RIMS1: variants seen among roughly 807,000 people sequenced by gnomAD.
RIMS1 encodes regulating synaptic membrane exocytosis 1, also known as regulating synaptic membrane exocytosis protein 1.
Under a neutral mutation model 214.1 loss-of-function variants are expected in RIMS1, and 83 were observed. The observed-to-expected ratio is 0.39, with a 90% confidence interval of 0.32 to 0.47. RIMS1 has a LOEUF of 0.47. RIMS1 is among the 20% of genes least tolerant of loss of function. The probability of loss-of-function intolerance (pLI) is 0.99; values close to 1 mark genes in which losing one functional copy is unlikely to be tolerated. For missense variants in RIMS1, 2,050 were observed against 2,161.8 expected, an observed-to-expected ratio of 0.95 and a Z score of 1.03; for synonymous variants, 793 against 786.8, an observed-to-expected ratio of 1.01 and a Z score of -0.13.
chr6:72,150,985 T>C (rs1397510205), intron 4 of RIMS1, among the ~76,000 whole-genome samples: 1 of 152,232 alleles, frequency 6.6e-6, no homozygotes, highest in Non-Finnish European at 1.5e-5. Flanking sequence ...TTTGAAATCA[T>C]TTTTGTTTAG....
chr6:72,118,900 C>T (rs182758517), intron 4 of RIMS1, among the ~76,000 whole-genome samples: 1 of 151,748 alleles, frequency 6.6e-6, no homozygotes, highest in Admixed American at 6.6e-5. Context: ...AGCATTTCCA[C>T]TGAGAACTGA....
chr6:72,078,565 C>T (rs953447742), intron 2 of RIMS1, among the ~76,000 whole-genome samples: 3 of 152,132 alleles, frequency 2.0e-5, no homozygotes, highest in Non-Finnish European at 2.9e-5. Flanking sequence ...AGACTAGTGC[C>T]TATATCGGAA....
intron 2 of RIMS1, among the ~76,000 whole-genome samples, chr6:71,969,983 C>G (rs1266071355): frequency 6.6e-6 from 1 of 151,966 alleles, no homozygotes; most frequent in Non-Finnish European, 1.5e-5. Context: ...CTGCTTTACC[C>G]TTTATTTGGT....
At chr6:71,893,683 C>T (rs1455075766) in intron 1 of RIMS1, among the ~76,000 whole-genome samples, 3 of 152,092 alleles carry the variant, frequency 2.0e-5, no homozygotes, top group African/African-American at 7.2e-5. Context: ...TATTTATATT[C>T]TCACATTCTT....
intron 4 of RIMS1, chr6:72,175,319 TTTATA>T (rs1234421546): frequency 6.1e-6 from 2 of 326,472 alleles, no homozygotes; most frequent in Non-Finnish European, 6.0e-6. Flanking sequence ...ATATTTATTC[TTTATA>T]TTATAATACT....
chr6:72,281,235 AAG>A (rs1268287467), intron 23 of RIMS1, among the ~76,000 whole-genome samples: 2 of 152,134 alleles, frequency 1.3e-5, no homozygotes, highest in Non-Finnish European at 2.9e-5. Context: ...AAAAGGATAA[AAG>A]AGTAGTACCT....
At chr6:72,118,308 A>AT (rs558740074) in intron 4 of RIMS1, among the ~76,000 whole-genome samples, 55 of 148,694 alleles carry the variant, frequency 3.7e-4, no homozygotes, top group East Asian at 2.3e-3. Flanking sequence ...TCCCCCTGTT[A>AT]TTTTTTTTTT....
intron 24 of RIMS1, among the ~76,000 whole-genome samples, chr6:72,289,563 TTTG>T (rs2092996864): frequency 6.6e-6 from 1 of 152,168 alleles, no homozygotes; most frequent in African/African-American, 2.4e-5. Context: ...TGAACATCTT[TTTG>T]TTATCTTCAA....
At chr6:72,183,255 T>C (rs1424094606) in intron 6 of RIMS1, 106 bp downstream of exon 6, 2 of 1,091,168 alleles carry the variant, frequency 1.8e-6, no homozygotes, top group African/African-American at 3.1e-5. Context: ...AGGCTGGGAA[T>C]GCTCACAGAT....
chr6:72,196,409 AT>A (rs2050928693), intron 6 of RIMS1, among the ~76,000 whole-genome samples: 2 of 151,134 alleles, frequency 1.3e-5, no homozygotes, highest in Non-Finnish European at 1.5e-5. Context: ...CTATCTATCT[AT>A]CTATCTATCT....
chr6:72,097,226 C>T (rs1487165241), intron 3 of RIMS1, 64 bp downstream of exon 3: 2 of 1,370,172 alleles, frequency 1.5e-6, no homozygotes, highest in African/African-American at 2.9e-5. Context: ...GCCTTCCAAA[C>T]ATGAGAACAC....
chr6:71,899,303 T>G (rs952612998), intron 1 of RIMS1, among the ~76,000 whole-genome samples: 54 of 132,202 alleles, frequency 4.1e-4, no homozygotes, highest in African/African-American at 1.3e-3. Context: ...AATGTTTTGG[T>G]TTTTTTTACT....
chr6:72,287,478 T>C (rs527414382), intron 24 of RIMS1, among the ~76,000 whole-genome samples: 2 of 152,290 alleles, frequency 1.3e-5, no homozygotes, highest in African/African-American at 4.8e-5. Flanking sequence ...ACTCTAGTCT[T>C]AGATGAAGGA....
intron 29 of RIMS1, among the ~76,000 whole-genome samples, chr6:72,363,160 G>A (rs571367327): frequency 1.3e-5 from 2 of 152,228 alleles, no homozygotes; most frequent in Admixed American, 1.3e-4. Flanking sequence ...CAAGGCAGAA[G>A]GGAGTAGTGC....
intron 1 of RIMS1, among the ~76,000 whole-genome samples, chr6:71,930,390 C>T (rs867588391): frequency 2.6e-5 from 4 of 151,942 alleles, no homozygotes; most frequent in Non-Finnish European, 1.5e-5. Context: ...ACCTGAAATT[C>T]AATAAAACTT....
intron 2 of RIMS1, among the ~76,000 whole-genome samples, chr6:71,994,301 G>A (rs1802740065): frequency 6.6e-6 from 1 of 152,116 alleles, no homozygotes; most frequent in African/African-American, 2.4e-5. Context: ...AATATTTCCA[G>A]CAAATACGTG....
chr6:71,932,449 G>C (rs138698560), intron 1 of RIMS1, among the ~76,000 whole-genome samples: 1 of 152,120 alleles, frequency 6.6e-6, no homozygotes, highest in Middle Eastern at 3.4e-3. Flanking sequence ...ACATAGAGGG[G>C]AACAACACAC....
intron 28 of RIMS1, chr6:72,316,623 G>T: frequency 2.1e-6 from 1 of 474,882 alleles, no homozygotes. Flanking sequence ...AGAGCAACCA[G>T]CCTGGAGCAG....
intron 16 of RIMS1, among the ~76,000 whole-genome samples, chr6:72,253,654 T>A (rs1436136089): frequency 1.3e-5 from 2 of 152,156 alleles, no homozygotes; most frequent in Non-Finnish European, 2.9e-5. Flanking sequence ...ATATATGCCC[T>A]TGATATATAT....
Sources: gnomAD v4.1 joint callset for allele counts (sites outside exome capture counted in the v4.1 genomes callset) on GRCh38, gnomAD v4.1.1 for gene constraint, MANE v1.5 for transcripts, NCBI Gene and HGNC (gene_info 2026-07-23, HGNC 2026-07-21) for gene names.